CNTNAP5: variants seen among roughly 807,000 people sequenced by gnomAD.
CNTNAP5 encodes the protein contactin associated protein family member 5.
Under a neutral mutation model 150.2 loss-of-function variants are expected in CNTNAP5, and 72 were observed. The ratio of observed to expected loss-of-function variants is 0.48; its 90% CI spans 0.40 to 0.58. CNTNAP5 has a LOEUF of 0.58. CNTNAP5 is among the 20% of genes least tolerant of loss of function. The pLI, the probability that CNTNAP5 is intolerant of heterozygous loss-of-function variation, is 0.00. For missense variants in CNTNAP5, 1,636 were observed against 1,626.2 expected, an observed-to-expected ratio of 1.01 and a Z score of -0.10; for synonymous variants, 672 against 619.8, an observed-to-expected ratio of 1.08 and a Z score of -1.25.
intron 3 of CNTNAP5, among the ~76,000 whole-genome samples, chr2:124,302,162 T>G (rs993316445): frequency 6.6e-6 from 1 of 152,196 alleles, no homozygotes; most frequent in Non-Finnish European, 1.5e-5. Context: ...TCTCCAGAAC[T>G]GAGAAAACAA....
chr2:124,367,455 C>A (rs1690405565), intron 3 of CNTNAP5, among the ~76,000 whole-genome samples: 1 of 152,184 alleles, frequency 6.6e-6, no homozygotes. Context: ...ACGAGAGCAA[C>A]ATGTAGGTAA....
chr2:124,530,598 G>A (rs957320066), intron 10 of CNTNAP5, among the ~76,000 whole-genome samples: 2 of 152,196 alleles, frequency 1.3e-5, no homozygotes, highest in African/African-American at 4.8e-5. Context: ...TCTGGCTCCT[G>A]GGAGGAAAGG....
intron 3 of CNTNAP5, among the ~76,000 whole-genome samples, chr2:124,244,131 T>C (rs1190289769): frequency 6.6e-6 from 1 of 152,142 alleles, no homozygotes; most frequent in Non-Finnish European, 1.5e-5. Flanking sequence ...AACCAAATAA[T>C]CTACTTTCAG....
chr2:124,915,712 G>A lies in CNTNAP5; in HGVS notation c.*1424G>A, dbSNP rs1310015513. 6.6e-6 allele frequency among the ~76,000 whole-genome samples: 1 copy of A among 152,004 alleles called. No homozygotes were observed. ...GGTCTTTGTCCCTTTTGGTAACAAA[G>A]CATTGAAAACAGTCATTCCTTCAAG... On this transcript the variant is annotated 3_prime_UTR_variant, in exon 24 of 24. Transcript: ENST00000682447.
chr2:124,093,610 A>G (rs1368398857), intron 1 of CNTNAP5, among the ~76,000 whole-genome samples: 1 of 152,114 alleles, frequency 6.6e-6, no homozygotes, highest in Non-Finnish European at 1.5e-5. Flanking sequence ...ATATTAAAAA[A>G]TAAAGCACAT....
chr2:124,860,890 T>C (rs1431883459), intron 19 of CNTNAP5, among the ~76,000 whole-genome samples: 1 of 152,094 alleles, frequency 6.6e-6, no homozygotes, highest in African/African-American at 2.4e-5. Flanking sequence ...GTGATCACCA[T>C]GGGCTGTTGT....
intron 3 of CNTNAP5, among the ~76,000 whole-genome samples, chr2:124,245,335 G>C (rs1023250663): frequency 2.0e-5 from 3 of 152,042 alleles, no homozygotes; most frequent in Non-Finnish European, 1.5e-5. Flanking sequence ...TACGCTGCTG[G>C]ATTAAAGAGA....
chr2:124,122,627 AG>A (rs1447656459), intron 1 of CNTNAP5, among the ~76,000 whole-genome samples: 1 of 152,178 alleles, frequency 6.6e-6, no homozygotes, highest in Non-Finnish European at 1.5e-5. Context: ...CTGAGATAGA[AG>A]GAAAAGGCAC....
chr2:124,337,104 T>C (rs1466745319), intron 3 of CNTNAP5, among the ~76,000 whole-genome samples: 1 of 152,210 alleles, frequency 6.6e-6, no homozygotes, highest in Non-Finnish European at 1.5e-5. Flanking sequence ...GTGGTTTTGA[T>C]TTGCATTTCT....
chr2:124,630,725 A>G (rs1353806270), intron 12 of CNTNAP5, among the ~76,000 whole-genome samples: 1 of 152,160 alleles, frequency 6.6e-6, no homozygotes, highest in African/African-American at 2.4e-5. Context: ...AGTTCTGGCC[A>G]GGGCAATCAG....
At chr2:124,746,166 A>G (rs1395974571) in intron 13 of CNTNAP5, among the ~76,000 whole-genome samples, 1 of 152,174 alleles carries the variant, frequency 6.6e-6, no homozygotes, top group Non-Finnish European at 1.5e-5. Flanking sequence ...TTGTATATCA[A>G]TCACAAATAA....
intron 3 of CNTNAP5, among the ~76,000 whole-genome samples, chr2:124,415,036 G>C (rs536590745): frequency 6.6e-6 from 1 of 152,122 alleles, no homozygotes; most frequent in Non-Finnish European, 1.5e-5. Flanking sequence ...TGGTATGGAC[G>C]CAAGGACATT....
In CNTNAP5 at chr2:124,915,349, A is replaced by C. The variant is rs1382425072; in HGVS notation, c.*1061A>C. The stretch of plus-strand genomic sequence containing the variant: ...TAACTCAGCTTTAAAACAAAAATTA[A>C]ATCAGGAAAAAATGAAAAAAAAACT... On this transcript the variant is annotated 3_prime_UTR_variant, in exon 24 of 24. Transcript: ENST00000682447. 2 of 166,528 alleles carry C rather than the reference A, an allele frequency of 1.2e-5. No homozygotes were observed. The highest frequency in any genetic ancestry group is 2.9e-5 in the Non-Finnish European group (2 of 68,044). 10.3% of individuals were successfully genotyped at this position (166,528 alleles called of 1,614,324 possible).
At chr2:124,045,737 T>C (rs1681514305) in intron 1 of CNTNAP5, among the ~76,000 whole-genome samples, 1 of 152,230 alleles carries the variant, frequency 6.6e-6, no homozygotes, top group Admixed American at 6.5e-5. Context: ...TGACAGTTTT[T>C]AGACAATCTC....
intron 13 of CNTNAP5, among the ~76,000 whole-genome samples, chr2:124,687,949 G>A (rs1023503029): frequency 1.3e-5 from 2 of 152,034 alleles, no homozygotes; most frequent in Admixed American, 6.6e-5. Context: ...CATTTTACTA[G>A]TACTAATTCT....
At chr2:124,068,156 A>G (rs551432691) in intron 1 of CNTNAP5, among the ~76,000 whole-genome samples, 1 of 151,866 alleles carries the variant, frequency 6.6e-6, no homozygotes, top group Non-Finnish European at 1.5e-5. Flanking sequence ...CACTACCTAT[A>G]TCTTTCTTCA....
intron 3 of CNTNAP5, among the ~76,000 whole-genome samples, chr2:124,249,663 T>C (rs1246846771): frequency 6.6e-6 from 1 of 152,188 alleles, no homozygotes; most frequent in Non-Finnish European, 1.5e-5. Context: ...TCCTAGAATA[T>C]ATAAAACCAA....
rs182808369 is a variant in CNTNAP5 at position 124,429,806 on chromosome 2, T to C, written c.530-4678T>C. 2.0e-5 allele frequency among the ~76,000 whole-genome samples: 3 copies of C among 152,208 alleles called. No individual in the cohort carries two copies. In the East Asian group the frequency reaches 5.8e-4, roughly 29 times the overall value. ...AAGAAACTAACTCTCCCAGTGTGGA[T>C]GGTAAGCTGGCTCTGAATGGTGAAA... is the stretch of plus-strand genomic sequence containing the variant. On this transcript the variant is annotated intron_variant, in intron 4 of 23. Coordinates refer to ENST00000682447, the MANE Select transcript of CNTNAP5 (RefSeq NM_001367498.1).
intron 10 of CNTNAP5, among the ~76,000 whole-genome samples, chr2:124,543,470 G>A (rs1695436901): frequency 6.6e-6 from 1 of 152,154 alleles, no homozygotes; most frequent in Non-Finnish European, 1.5e-5. Context: ...CCTACAGGCT[G>A]AGTAGTGAAC....
Sources: allele counts gnomAD v4.1 joint callset (sites outside exome capture counted in the v4.1 genomes callset), GRCh38; gene constraint gnomAD v4.1.1; transcripts MANE v1.5; gene names NCBI Gene and HGNC (gene_info 2026-07-23, HGNC 2026-07-21).